Variants in PRKN observed in about 807,000 individuals in gnomAD.
The protein encoded by PRKN is parkin RBR E3 ubiquitin protein ligase, also known as E3 ubiquitin-protein ligase parkin.
PRKN carries 56 observed loss-of-function variants against 59.5 expected under a neutral mutation model. That is an observed-to-expected ratio of 0.94 (90% CI 0.76 to 1.18). The LOEUF (loss-of-function observed/expected upper bound fraction) is 1.18, where lower values mean the gene tolerates loss of function less well. Ranked by LOEUF, PRKN falls within the 50% of genes most tolerant of loss-of-function variation. The probability of loss-of-function intolerance (pLI) is 0.00; values close to 1 mark genes in which losing one functional copy is unlikely to be tolerated. For missense variants in PRKN, 657 were observed against 596.4 expected, an observed-to-expected ratio of 1.10 and a Z score of -1.06; for synonymous variants, 250 against 222.1, an observed-to-expected ratio of 1.13 and a Z score of -1.12.
At chr6:162,723,270 G>A (rs1240108568) in intron 1 of PRKN, among the ~76,000 whole-genome samples, 1 of 152,184 alleles carries the variant, frequency 6.6e-6, no homozygotes, top group East Asian at 1.9e-4. Flanking sequence ...ACTATAAGAT[G>A]AGAATGAGAA....
intron 6 of PRKN, among the ~76,000 whole-genome samples, chr6:161,847,381 G>A (rs1401719353): frequency 6.6e-6 from 1 of 152,058 alleles, no homozygotes; most frequent in Admixed American, 6.6e-5. Context: ...AAAAACTACC[G>A]ATTTTCTCTA....
intron 1 of PRKN, among the ~76,000 whole-genome samples, chr6:162,687,194 T>C (rs1354642645): frequency 1.3e-5 from 2 of 150,792 alleles, no homozygotes; most frequent in Non-Finnish European, 3.0e-5. Flanking sequence ...TTTTCTTTTT[T>C]TTTTTTTTTG....
chr6:162,210,282 T>A (rs1785151885), intron 3 of PRKN, among the ~76,000 whole-genome samples: 2 of 152,036 alleles, frequency 1.3e-5, no homozygotes, highest in Non-Finnish European at 2.9e-5. Context: ...AATAATAGTA[T>A]CTAACTCAGT....
In PRKN at chr6:162,011,388, A is replaced by G. The variant is rs183210543; in HGVS notation, c.619-37971T>C. On this transcript the variant is annotated intron_variant, in intron 5 of 11. Transcript: ENST00000366898. ...TATATATAATATATTATATATTTAT[A>G]ATATATATTATAAATATATAATATA... Among the ~76,000 whole-genome samples the G allele has an allele frequency of 2.8e-3, 39 of 13,694 alleles. 12 individuals are homozygous for G. Among genetic ancestry groups the G allele is most frequent in the East Asian group, 8.9e-3 (4 of 448 alleles). 9.0% of individuals were successfully genotyped at this position (13,694 alleles called of 152,430 possible).
rs1393753689 is a variant in PRKN, at chr6:161,463,555, A to C, written c.1084-76678T>G. 6.6e-6 allele frequency among the ~76,000 whole-genome samples: 1 copy of C among 152,204 alleles called. No individual in the cohort carries two copies. The highest frequency in any genetic ancestry group is 2.4e-5 in the African/African-American group (1 of 41,448). ...CATCAACCTACACTATACCTACCAG[A>C]TGCTTTCTTTGACCATCTTGATATC... On this transcript the variant is annotated intron_variant, in intron 9 of 11. Transcript: ENST00000366898. This position sits in a 1 kb window ranked among gnomAD's most constrained non-coding sequence, Gnocchi z 4.8.
intron 3 of PRKN, among the ~76,000 whole-genome samples, chr6:162,215,101 T>TC (rs1777581589): frequency 1.3e-5 from 2 of 152,072 alleles, no homozygotes; most frequent in African/African-American, 4.8e-5. Flanking sequence ...TTAATGTAAA[T>TC]CCCCTCCCCC....
rs1778024926 is a variant in PRKN, at chr6:161,503,153, C to T, written c.1083+45701G>A. Among the ~76,000 whole-genome samples the T allele has an allele frequency of 6.6e-6, 1 of 152,016 alleles. No homozygotes were observed. Reference sequence around the variant, plus strand: ...TGTATTATAAAGGCAAACTGATCTCCCATGTAGAGGGAGGAGATGGGATCT... The same window carrying T: ...TGTATTATAAAGGCAAACTGATCTCTCATGTAGAGGGAGGAGATGGGATCT... On this transcript the variant is annotated intron_variant, in intron 9 of 11. Coordinates refer to ENST00000366898, the MANE Select transcript of PRKN (RefSeq NM_004562.3). The surrounding 1 kb of genome is among the most constrained non-coding windows in gnomAD (Gnocchi z 5.1).
rs958547089 is a variant in PRKN, at chr6:161,413,563, G to T, written c.1084-26686C>A. 6.6e-6 allele frequency among the ~76,000 whole-genome samples: 1 copy of T among 152,166 alleles called. No homozygotes were observed. The highest frequency in any genetic ancestry group is 1.5e-5 in the Non-Finnish European group (1 of 68,032). ...CATGTGGGCACGCTGGCCATGGTGGGATGGCAGCGTGGGCCAGGAAAGCCT... is the reference window on the plus strand; with the variant it reads ...CATGTGGGCACGCTGGCCATGGTGGTATGGCAGCGTGGGCCAGGAAAGCCT... On this transcript the variant is annotated intron_variant, in intron 9 of 11. Transcript: ENST00000366898. The surrounding 1 kb of genome is among the most constrained non-coding windows in gnomAD (Gnocchi z 4.4).
At position 161,484,094 on chromosome 6, in the gene PRKN, G is replaced by T. The variant is rs930093953; in HGVS notation, c.1083+64760C>A. 2.0e-5 allele frequency among the ~76,000 whole-genome samples: 3 copies of T among 152,050 alleles called. No homozygotes were observed. The highest frequency in any genetic ancestry group is 7.2e-5 in the African/African-American group (3 of 41,386). The stretch of plus-strand genomic sequence containing the variant: ...GCTGGGCTTAATACCTAGGTGATGG[G>T]TTGATCTGTGCAGCAAAACACCATG... On this transcript the variant is annotated intron_variant, in intron 9 of 11. Coordinates refer to ENST00000366898, the MANE Select transcript of PRKN (RefSeq NM_004562.3). This position sits in a 1 kb window ranked among gnomAD's most constrained non-coding sequence, Gnocchi z 4.9.
chr6:161,874,095 AATATATATTATATGT>A lies in PRKN; in HGVS notation c.735-88202_735-88188del, dbSNP rs1794485865. On this transcript the variant is annotated intron_variant, in intron 6 of 11. Transcript: ENST00000366898. ...ATATTATATGTAAAATATAATATAT[AATATATATTATATGT>A]AAAATATAATATATAATATATATTA... Among the ~76,000 whole-genome samples the A allele has an allele frequency of 2.8e-4, 9 of 32,000 alleles. 1 individual carries two copies. The highest frequency in any genetic ancestry group is 7.9e-4 in the African/African-American group (9 of 11,352). 21.0% of individuals were successfully genotyped at this position (32,000 alleles called of 152,430 possible). A position where few individuals can be genotyped will look rare whatever the true frequency, so the allele number is the denominator to read the frequency against.
At chr6:162,346,793 T>C (rs528085161) in intron 2 of PRKN, among the ~76,000 whole-genome samples, 8 of 152,282 alleles carry the variant, frequency 5.3e-5, no homozygotes, top group African/African-American at 1.9e-4. Flanking sequence ...TATTTATGTT[T>C]ACATAACATG....
chr6:161,863,530 A>ATATT (rs71817568), intron 6 of PRKN, among the ~76,000 whole-genome samples: 4,336 of 152,240 alleles, frequency 0.028, 168 homozygotes, highest in African/African-American at 0.088. Flanking sequence ...GTTTAGAAAG[A>ATATT]TATTTGCTCA....
chr6:161,870,476 T>C (rs749925132), intron 6 of PRKN, among the ~76,000 whole-genome samples: 30 of 152,298 alleles, frequency 2.0e-4, no homozygotes, highest in Non-Finnish European at 3.2e-4. Flanking sequence ...ACACCTTACA[T>C]AATTATCTCA....
chr6:162,571,414 AT>A (rs1477254137), intron 1 of PRKN: 2 of 152,238 alleles, frequency 1.3e-5, no homozygotes, highest in East Asian at 1.9e-4. Flanking sequence ...AAAAATAATA[AT>A]TAAAAAAGAT....
intron 4 of PRKN, among the ~76,000 whole-genome samples, chr6:162,100,020 G>C (rs1485551435): frequency 6.6e-6 from 1 of 152,192 alleles, no homozygotes; most frequent in East Asian, 1.9e-4. Flanking sequence ...GTGAAACCGT[G>C]CAATATTTGT....
chr6:161,684,161 G>C (rs888622431), intron 7 of PRKN, among the ~76,000 whole-genome samples: 7 of 152,062 alleles, frequency 4.6e-5, no homozygotes, highest in Non-Finnish European at 1.0e-4. Flanking sequence ...AGTGGTCTAA[G>C]ATTGTTTACA....
Position 162,562,273 on chromosome 6 carries a change from G to A in PRKN, c.8-118800C>T, listed in dbSNP as rs577648290. ...TCACCTGTTAACTGATGAGCCCTTG[G>A]GTCACGAATAACCAGCAGCAATATC... On this transcript the variant is annotated intron_variant, in intron 1 of 11. Transcript: ENST00000366898. 2.0e-5 allele frequency among the ~76,000 whole-genome samples: 3 copies of A among 152,262 alleles called. No individual in the cohort carries two copies. In the South Asian group the frequency reaches 6.2e-4, roughly 32 times the overall value.
intron 7 of PRKN, among the ~76,000 whole-genome samples, chr6:161,590,480 C>A (rs931320115): frequency 1.3e-5 from 2 of 152,162 alleles, no homozygotes; most frequent in African/African-American, 4.8e-5. Flanking sequence ...CGCCTGTAAT[C>A]CCAGAACTTT....
At chr6:162,691,161 A>G (rs1207262365) in intron 1 of PRKN, among the ~76,000 whole-genome samples, 1 of 152,174 alleles carries the variant, frequency 6.6e-6, no homozygotes, top group African/African-American at 2.4e-5. Context: ...ATAAATACAT[A>G]AAAATTTCTT....
Sources: gnomAD v4.1 joint callset for allele counts (sites outside exome capture counted in the v4.1 genomes callset) on GRCh38, gnomAD v4.1.1 for gene constraint, Gnocchi (gnomAD v3.1) non-coding constraint, MANE v1.5 for transcripts, NCBI Gene and HGNC (gene_info 2026-07-23, HGNC 2026-07-21) for gene names.